Variants in CAMKK2 observed in about 807,000 individuals in gnomAD.
The protein encoded by CAMKK2 is calcium/calmodulin dependent protein kinase kinase 2, also known as calcium/calmodulin-dependent protein kinase kinase 2.
CAMKK2 carries 30 observed loss-of-function variants against 67.2 expected under a neutral mutation model. That is an observed-to-expected ratio of 0.45 (90% confidence interval 0.33 to 0.61). The LOEUF (loss-of-function observed/expected upper bound fraction) is 0.61. Ranked by LOEUF, CAMKK2 falls within the 20% of genes least tolerant of loss-of-function variation. The pLI, the probability that CAMKK2 is intolerant of heterozygous loss-of-function variation, is 0.02. For synonymous variants in CAMKK2, 322 were observed against 326.2 expected (o/e 0.99, Z 0.14); for missense variants, 643 against 802.0 (o/e 0.80, Z 2.39).
At chr12:121,288,748 G>A (rs908427604) in intron 1 of CAMKK2, among the ~76,000 whole-genome samples, 27 of 151,902 alleles carry the variant, frequency 1.8e-4, no homozygotes, top group Non-Finnish European at 1.3e-4. Flanking sequence ...CCTTTCCTCC[G>A]AGGACCACCA....
chr12:121,284,309 GTTTATT>G (rs543885134), intron 1 of CAMKK2, among the ~76,000 whole-genome samples: 11 of 152,180 alleles, frequency 7.2e-5, no homozygotes, highest in African/African-American at 1.7e-4. Context: ...TGTTGTTCTT[GTTTATT>G]TTTATTTTTA....
At chr12:121,242,563 G>A (rs1888584788) in intron 16 of CAMKK2, among the ~76,000 whole-genome samples, 2 of 152,126 alleles carry the variant, frequency 1.3e-5, no homozygotes, top group South Asian at 4.1e-4. Flanking sequence ...GCACAAGCTG[G>A]GGACTGTGTC....
chr12:121,246,312 G>A (rs774063177), intron 14 of CAMKK2, among the ~76,000 whole-genome samples: 7 of 151,936 alleles, frequency 4.6e-5, no homozygotes, highest in Non-Finnish European at 1.0e-4. Flanking sequence ...TTGGGAGGCT[G>A]AGGCAGGTGG....
intron 1 of CAMKK2, among the ~76,000 whole-genome samples, chr12:121,280,068 G>A (rs949498654): frequency 6.6e-6 from 1 of 152,232 alleles, no homozygotes; most frequent in Non-Finnish European, 1.5e-5. Context: ...CCAAGGCCAC[G>A]GACGATGTCC....
At chr12:121,251,771 G>A (rs1268393579) in intron 11 of CAMKK2, among the ~76,000 whole-genome samples, 2 of 145,570 alleles carry the variant, frequency 1.4e-5, no homozygotes, top group African/African-American at 5.2e-5. Flanking sequence ...AGGTTGCAGT[G>A]AGCCGAGATC....
intron 6 of CAMKK2, among the ~76,000 whole-genome samples, chr12:121,262,581 C>A (rs929131070): frequency 6.9e-6 from 1 of 144,314 alleles, no homozygotes; most frequent in African/African-American, 2.9e-5. Context: ...TTTTTAGAAA[C>A]AGGGTCTCAC....
chr12:121,276,238 C>T (rs926725182), intron 1 of CAMKK2, among the ~76,000 whole-genome samples: 1 of 150,464 alleles, frequency 6.6e-6, no homozygotes, highest in Non-Finnish European at 1.5e-5. Context: ...GAGGCCAAGG[C>T]AGGTGGATCA....
rs532190642 is a variant in CAMKK2, at chr12:121,264,447, G to A, written c.626-508C>T. On this transcript the variant is annotated intron_variant, in intron 5 of 16. Transcript: ENST00000404169. ...AGCCCAGGAGTTCAAGACCAGCCTGGGCAACACGGCGAAACCCTGACTCTA... is the reference window on the plus strand; with the variant it reads ...AGCCCAGGAGTTCAAGACCAGCCTGAGCAACACGGCGAAACCCTGACTCTA... 6.6e-5 allele frequency among the ~76,000 whole-genome samples: 10 copies of A among 152,010 alleles called. No homozygotes were observed. In the South Asian group the frequency reaches 1.7e-3, roughly 25 times the overall value.
intron 3 of CAMKK2, among the ~76,000 whole-genome samples, chr12:121,270,349 G>A (rs1173809398): frequency 6.7e-6 from 1 of 148,990 alleles, no homozygotes; most frequent in Non-Finnish European, 1.5e-5. Flanking sequence ...CAGCCTTGGT[G>A]ATAGAGCAAC....
At chr12:121,295,690 C>T (rs1359221464) in intron 1 of CAMKK2, among the ~76,000 whole-genome samples, 2 of 152,084 alleles carry the variant, frequency 1.3e-5, no homozygotes, top group Admixed American at 1.3e-4. Context: ...GCTGCAGGTC[C>T]CATCCGGAGG....
chr12:121,263,085 C>T (rs1380560960), intron 6 of CAMKK2, among the ~76,000 whole-genome samples: 1 of 152,126 alleles, frequency 6.6e-6, no homozygotes, highest in Non-Finnish European at 1.5e-5. Context: ...TCTCCTGCCT[C>T]AGCCTCCTGA....
chr12:121,254,085 C>T (rs1415312093), intron 9 of CAMKK2, among the ~76,000 whole-genome samples: 1 of 152,154 alleles, frequency 6.6e-6, no homozygotes, highest in Non-Finnish European at 1.5e-5. Context: ...GTGAGGGGCC[C>T]GGCCCTGCGT....
rs1383129542 is a variant in CAMKK2 at position 121,246,683 on chromosome 12, G to A, written c.1453-1443C>T. On this transcript the variant is annotated intron_variant, in intron 14 of 16. Coordinates refer to ENST00000404169, the MANE Select transcript of CAMKK2 (RefSeq NM_001270485.2). Reference sequence around the variant, plus strand: ...GTGAGCCCACCCTGCCGCCTCCCCTGTGGCCTTGTCAACCCAGAGCAGGAG... The same window carrying A: ...GTGAGCCCACCCTGCCGCCTCCCCTATGGCCTTGTCAACCCAGAGCAGGAG... Among the ~76,000 whole-genome samples, 14 of 152,084 alleles carry A rather than the reference G, an allele frequency of 9.2e-5. No homozygotes were observed. The East Asian group carries it at 2.7e-3, about 29-fold the overall frequency.
intron 7 of CAMKK2, among the ~76,000 whole-genome samples, chr12:121,258,244 G>A (rs570708958): frequency 5.9e-5 from 9 of 152,052 alleles, no homozygotes; most frequent in Non-Finnish European, 1.0e-4. Context: ...GGTTGGTCTC[G>A]AACTCCTGAC....
chr12:121,260,417 A>C, intron 6 of CAMKK2, 62 bp from the exon 7 acceptor site: 1 of 1,495,978 alleles, frequency 6.7e-7, no homozygotes, highest in Non-Finnish European at 9.2e-7. Context: ...GAGAGAATAG[A>C]TATGAGCAGG....
At chr12:121,260,407 GA>G (rs1309832232) in intron 6 of CAMKK2, 52 bp from the exon 7 acceptor site, 1 of 1,556,778 alleles carries the variant, frequency 6.4e-7, no homozygotes, top group African/African-American at 1.4e-5. Flanking sequence ...GGGAGAAAAA[GA>G]GAGAATAGAT....
At chr12:121,252,299 G>A (rs1312434644) in intron 11 of CAMKK2, among the ~76,000 whole-genome samples, 2 of 152,128 alleles carry the variant, frequency 1.3e-5, no homozygotes, top group East Asian at 3.9e-4. Context: ...ACGGAGTCTC[G>A]CTCTTGTTGC....
intron 16 of CAMKK2, among the ~76,000 whole-genome samples, chr12:121,242,432 TG>T (rs1387438702): frequency 6.6e-6 from 1 of 152,010 alleles, no homozygotes; most frequent in Non-Finnish European, 1.5e-5. Flanking sequence ...AGCCCCGGTT[TG>T]GCAAACCCTA....
intron 9 of CAMKK2, among the ~76,000 whole-genome samples, chr12:121,255,328 A>T (rs1424911429): frequency 2.7e-4 from 5 of 18,320 alleles, no homozygotes; most frequent in Non-Finnish European, 3.1e-4. Context: ...ATATATATAT[A>T]ATTATATATA....
Sources: gnomAD v4.1 joint callset for allele counts (sites outside exome capture counted in the v4.1 genomes callset) on GRCh38, gnomAD v4.1.1 for gene constraint, MANE v1.5 for transcripts, NCBI Gene and HGNC (gene_info 2026-07-23, HGNC 2026-07-21) for gene names.